ROR1: variants seen among roughly 807,000 people sequenced by gnomAD.
ROR1 encodes inactive tyrosine-protein kinase transmembrane receptor ROR1.
ROR1 carries 19 observed loss-of-function variants against 78.8 expected under a neutral mutation model. The observed-to-expected ratio is 0.24, with a 90% CI of 0.17 to 0.35. The LOEUF (loss-of-function observed/expected upper bound fraction) is 0.35, where lower values mean the gene tolerates loss of function less well. Ranked by LOEUF, ROR1 falls within the 10% of genes least tolerant of loss-of-function variation. The probability of loss-of-function intolerance (pLI) is 1.00; values close to 1 mark genes in which losing one functional copy is unlikely to be tolerated. For synonymous variants in ROR1, 386 were observed against 433.6 expected (o/e 0.89, Z 1.36); for missense variants, 917 against 1,177.8 (o/e 0.78, Z 3.24).
At chr1:63,885,779 G>A (rs1645352516) in intron 1 of ROR1, among the ~76,000 whole-genome samples, 1 of 152,132 alleles carries the variant, frequency 6.6e-6, no homozygotes, top group Non-Finnish European at 1.5e-5. Context: ...TCCTCCAAAC[G>A]TGAACCCTCA....
Position 64,140,186 on chromosome 1 carries a change from T to C in ROR1, c.688T>C (p.Tyr230His), listed in dbSNP as rs766562111. The C allele has an allele frequency of 7.4e-6, 12 of 1,614,178 alleles. No individual in the cohort carries two copies. The highest frequency in any genetic ancestry group is 1.0e-5 in the Non-Finnish European group (12 of 1,180,020). ...SQFAIPSLCH[Y>H]AFPYCDETSS... ...GTTCGCCATTCCTTCCCTGTGCCAC[T>C]ATGCCTTCCCGTACTGCGATGAAAC... Residue 230 changes from tyrosine to histidine, a missense_variant, in exon 6 of 9, where the codon TAT becomes CAT. Transcript: ENST00000371079.
At chr1:63,899,649 T>C (rs533261678) in intron 1 of ROR1, among the ~76,000 whole-genome samples, 7 of 152,066 alleles carry the variant, frequency 4.6e-5, no homozygotes, top group Admixed American at 6.6e-5. Flanking sequence ...ATAGGTTACA[T>C]TGGCACCAGG....
chr1:63,972,551 T>C (rs995592662), intron 1 of ROR1, among the ~76,000 whole-genome samples: 10 of 152,190 alleles, frequency 6.6e-5, no homozygotes, highest in African/African-American at 2.2e-4. Flanking sequence ...GTACTAGCAT[T>C]AAGCAAACAT....
chr1:63,998,004 A>T (rs1210412434), intron 1 of ROR1, among the ~76,000 whole-genome samples: 1 of 152,080 alleles, frequency 6.6e-6, no homozygotes, highest in Admixed American at 6.6e-5. Context: ...TGAGTCTTAG[A>T]GGTATGAAGT....
chr1:63,972,739 A>G (rs1223953712), intron 1 of ROR1, among the ~76,000 whole-genome samples: 1 of 152,190 alleles, frequency 6.6e-6, no homozygotes, highest in Non-Finnish European at 1.5e-5. Context: ...CTGGACATCA[A>G]TACTGTCTAA....
At chr1:64,156,295 G>A (rs953135330) in intron 7 of ROR1, among the ~76,000 whole-genome samples, 1 of 152,222 alleles carries the variant, frequency 6.6e-6, no homozygotes, top group Non-Finnish European at 1.5e-5. Context: ...TTGGTGCCCT[G>A]TGGCAGACCG....
Position 64,178,519 on chromosome 1 carries a change from T to A in ROR1, c.2478T>A (p.Pro826=). Reference sequence around the variant, plus strand: ...CCATCAATGGATACCCAATACCTCCTGGATATGCAGCGTTTCCAGCTGCCC... The same window carrying A: ...CCATCAATGGATACCCAATACCTCCAGGATATGCAGCGTTTCCAGCTGCCC... ...FIPINGYPIP[P]GYAAFPAAHY... The change falls in exon 9 of 9, where the codon CCT becomes CCA. Residue 826 remains proline (P), a synonymous_variant. Coordinates refer to ENST00000371079, the MANE Select transcript of ROR1 (RefSeq NM_005012.4). The surrounding 1 kb of genome is among the most constrained non-coding windows in gnomAD (Gnocchi z 4.3). 6.2e-7 allele frequency: 1 copy of A among 1,614,212 alleles called. No homozygotes were observed. The highest frequency in any genetic ancestry group is 8.5e-7 in the Non-Finnish European group (1 of 1,180,044).
intron 1 of ROR1, among the ~76,000 whole-genome samples, chr1:64,004,579 A>G (rs775025200): frequency 1.3e-5 from 2 of 152,180 alleles, no homozygotes; most frequent in Non-Finnish European, 2.9e-5. Flanking sequence ...TCTTGTGAGT[A>G]TGCGCATGCC....
chr1:64,157,894 A>G (rs149336894), intron 7 of ROR1, among the ~76,000 whole-genome samples: 180 of 152,308 alleles, frequency 1.2e-3, no homozygotes, highest in Non-Finnish European at 2.0e-3. Context: ...GAATGAATGC[A>G]TGGTTAATTC....
intron 2 of ROR1, among the ~76,000 whole-genome samples, chr1:64,035,341 A>C (rs1008832177): frequency 6.6e-6 from 1 of 152,240 alleles, no homozygotes; most frequent in Non-Finnish European, 1.5e-5. Context: ...GTTTGTCCTT[A>C]TCAATAATCC....
chr1:64,159,276 C>A (rs989873358), intron 8 of ROR1, 84 bp downstream of exon 8: 3 of 1,052,064 alleles, frequency 2.9e-6, no homozygotes, highest in African/African-American at 3.1e-5. Flanking sequence ...GCTTGGAAAT[C>A]GAATGATATG....
chr1:63,954,313 A>G (rs1403684185), intron 1 of ROR1, among the ~76,000 whole-genome samples: 3 of 152,218 alleles, frequency 2.0e-5, no homozygotes, highest in African/African-American at 7.2e-5. Context: ...GGCACAACCT[A>G]GATACTGCAA....
chr1:63,818,334 C>A (rs1041091939), intron 1 of ROR1, among the ~76,000 whole-genome samples: 1 of 152,162 alleles, frequency 6.6e-6, no homozygotes, highest in Non-Finnish European at 1.5e-5. Context: ...AGTGTTGGCT[C>A]TTTGGTAGAA....
chr1:64,063,931 T>G lies in ROR1; in HGVS notation c.482+13215T>G, dbSNP rs183419628. ...ATCCCCCTTCTCACCTGAAAGGAAC[T>G]TGCATTAGCCCAGCTCTACCTTTCT... On this transcript the variant is annotated intron_variant, in intron 4 of 8. Transcript: ENST00000371079. 1.3e-5 allele frequency among the ~76,000 whole-genome samples: 2 copies of G among 152,280 alleles called. 1 individual carries two copies. Among genetic ancestry groups the G allele is most frequent in the Admixed American group, 1.3e-4 (2 of 15,298 alleles).
At chr1:64,076,844 T>G (rs1361062994) in intron 4 of ROR1, among the ~76,000 whole-genome samples, 1 of 152,252 alleles carries the variant, frequency 6.6e-6, no homozygotes, top group African/African-American at 2.4e-5. Flanking sequence ...TTAACATATC[T>G]TACAGCAGTA....
chr1:63,997,143 G>A (rs1646343128), intron 1 of ROR1, among the ~76,000 whole-genome samples: 1 of 152,124 alleles, frequency 6.6e-6, no homozygotes. Flanking sequence ...GAGAATCAAG[G>A]CTGAAAAGGG....
At chr1:64,164,039 AT>A (rs10707932) in intron 8 of ROR1, among the ~76,000 whole-genome samples, 74,930 of 151,406 alleles carry the variant, frequency 0.49, 20,139 homozygotes, top group Non-Finnish European at 0.6. Flanking sequence ...CCTGAAATAT[AT>A]TTTTTTTTCC....
At chr1:63,846,909 G>A (rs973504861) in intron 1 of ROR1, among the ~76,000 whole-genome samples, 4 of 152,168 alleles carry the variant, frequency 2.6e-5, no homozygotes, top group African/African-American at 4.8e-5. Flanking sequence ...CCAGGACAGC[G>A]GCCTTGGAGG....
chr1:64,021,348 C>T (rs549615406), intron 2 of ROR1, among the ~76,000 whole-genome samples: 60 of 152,286 alleles, frequency 3.9e-4, no homozygotes, highest in African/African-American at 1.4e-3. Flanking sequence ...TTCACTTATA[C>T]ATTCAACAGG....
Sources: gnomAD v4.1 joint callset for allele counts (sites outside exome capture counted in the v4.1 genomes callset) on GRCh38, gnomAD v4.1.1 for gene constraint, Gnocchi (gnomAD v3.1) non-coding constraint, MANE v1.5 for transcripts, NCBI Gene and HGNC (gene_info 2026-07-23, HGNC 2026-07-21) for gene names.